Variants in CDKL5 observed in about 807,000 individuals in gnomAD.
CDKL5 encodes cyclin dependent kinase like 5, also known as cyclin-dependent kinase-like 5.
In CDKL5, 8 loss-of-function variants were observed where a neutral mutation model predicts 61.7. The ratio of observed to expected loss-of-function variants is 0.13; its 90% CI spans 0.08 to 0.23. CDKL5 has a LOEUF of 0.23. Ranked by LOEUF, CDKL5 falls within the 10% of genes least tolerant of loss-of-function variation. The pLI, the probability that CDKL5 is intolerant of heterozygous loss-of-function variation, is 1.00. For synonymous variants in CDKL5, 275 were observed against 272.3 expected, an observed-to-expected ratio of 1.01 and a Z score of -0.10; for missense variants, 440 against 734.5, an observed-to-expected ratio of 0.60 and a Z score of 4.63.
intron 1 of CDKL5, among the ~76,000 whole-genome samples, chrX:18,450,962 G>C (rs920227443): frequency 9.2e-6 from 1 of 109,270 alleles, no homozygotes; most frequent in African/African-American, 3.3e-5. Context: ...TTAAAGTTTG[G>C]TTGCCACATT....
intron 3 of CDKL5, chrX:18,535,672 C>T: frequency 6.4e-6 from 1 of 156,263 alleles, no homozygotes. Context: ...ACTCTCTCGC[C>T]CCCGGAGAAA....
At chrX:18,545,128 C>T (rs1466723366) in intron 3 of CDKL5, among the ~76,000 whole-genome samples, 1 of 110,078 alleles carries the variant, frequency 9.1e-6, no homozygotes, top group African/African-American at 3.3e-5. Flanking sequence ...CCCAGCTACT[C>T]AGAGGATAAG....
chrX:18,652,210 A>G (rs1468608599), intron 21 of CDKL5, among the ~76,000 whole-genome samples: 1 of 111,398 alleles, frequency 9.0e-6, no homozygotes. Context: ...CCATCGCCCC[A>G]TCTTGGGTGG....
intron 1 of CDKL5, among the ~76,000 whole-genome samples, chrX:18,496,967 G>A (rs1922196534): frequency 9.2e-6 from 1 of 109,164 alleles, no homozygotes; most frequent in Non-Finnish European, 1.9e-5. Context: ...GAAGGAGTTT[G>A]TTCAGTCAGC....
rs377640384 is a variant in CDKL5 at position 18,619,759 on chromosome X, C to T, written c.2277-108C>T. On this transcript the variant is annotated intron_variant, in intron 15 of 17. Transcript: ENST00000623535. The stretch of plus-strand genomic sequence containing the variant: ...CTTTACCCAAGTGTTTGATTCTTCC[C>T]GGCTATAGGAACCTAGTGTCATGCA... 90 of 530,992 alleles carry T rather than the reference C, an allele frequency of 1.7e-4. 3 individuals are homozygous for T. The highest frequency in any genetic ancestry group is 7.5e-4 in the East Asian group (20 of 26,774). 43.8% of individuals were successfully genotyped at this position (530,992 alleles called of 1,213,427 possible).
Position 18,628,694 on chromosome X carries a change from C to T in CDKL5, c.2820C>T (p.Pro940=). The T allele has an allele frequency of 1.7e-6, 2 of 1,188,363 alleles. No homozygotes were observed. The highest frequency in any genetic ancestry group is 3.1e-5 in the East Asian group (1 of 32,601). Residue 940 remains proline (P), a synonymous_variant, in exon 18 of 18, where the codon CCC becomes CCT. Coordinates refer to ENST00000623535, the MANE Select transcript of CDKL5 (RefSeq NM_001323289.2). ...CCAAAAGTGGGCCAAATGGGCACCCCTATAACAGAACAAATCGCTCACGAA... is the reference window on the plus strand; with the variant it reads ...CCAAAAGTGGGCCAAATGGGCACCCTTATAACAGAACAAATCGCTCACGAA... The part of the protein sequence containing the change: ...LGAKSGPNGH[P]YNRTNRSRMP...
rs747259152 is a variant in CDKL5, at chrX:18,587,906, CATT to C, written c.555-45_555-43del. On this transcript the variant is annotated intron_variant, in intron 8 of 17. Coordinates refer to ENST00000623535, the MANE Select transcript of CDKL5 (RefSeq NM_001323289.2). The stretch of plus-strand genomic sequence containing the variant: ...CACAATAATTTGGAAATTATCAAAA[CATT>C]ATATTTTTTCAGTTGCCAAAATAAT... 78 of 1,091,146 alleles carry C rather than the reference CATT, an allele frequency of 7.1e-5. No homozygotes were observed. In the Middle Eastern group the frequency reaches 1.4e-3, roughly 20 times the overall value. The allele number at this position is 1,091,146 out of a possible 1,213,427, so 89.9% of individuals were successfully genotyped here.
At chrX:18,539,645 A>G (rs780632659) in intron 3 of CDKL5, among the ~76,000 whole-genome samples, 2 of 111,740 alleles carry the variant, frequency 1.8e-5, no homozygotes, top group African/African-American at 6.5e-5. Context: ...GTCTTGGTGA[A>G]TATTTTATGG....
At chrX:18,576,145 G>A (rs762506734) in intron 5 of CDKL5, among the ~76,000 whole-genome samples, 385 of 111,700 alleles carry the variant, frequency 3.4e-3, no homozygotes, top group African/African-American at 0.012. Context: ...TTCTTGGAGA[G>A]GGGCCTGGTG....
intron 5 of CDKL5, among the ~76,000 whole-genome samples, chrX:18,579,422 G>A (rs1053317962): frequency 1.8e-5 from 2 of 109,892 alleles, no homozygotes; most frequent in Admixed American, 9.8e-5. Context: ...AGAATATTTC[G>A]TGGATCTTCC....
intron 1 of CDKL5, among the ~76,000 whole-genome samples, chrX:18,429,149 C>T (rs749809331): frequency 1.8e-5 from 2 of 111,355 alleles, no homozygotes; most frequent in African/African-American, 3.3e-5. Flanking sequence ...GGGTAAGGAC[C>T]TTCTACCTAG....
chrX:18,506,891 C>T (rs1922596830), intron 1 of CDKL5, 44 bp from the exon 2 acceptor site: 2 of 415,141 alleles, frequency 4.8e-6, no homozygotes, highest in South Asian at 8.0e-5. Context: ...TAGAGTACTG[C>T]AAATATAAAA....
At chrX:18,553,525 T>G (rs1347491929) in intron 3 of CDKL5, among the ~76,000 whole-genome samples, 1 of 109,042 alleles carries the variant, frequency 9.2e-6, no homozygotes, top group African/African-American at 3.4e-5. Flanking sequence ...AGTCTCACTC[T>G]GTCTGCCCGG....
chrX:18,525,584 T>G (rs752327969), intron 3 of CDKL5, among the ~76,000 whole-genome samples: 1 of 110,965 alleles, frequency 9.0e-6, no homozygotes, highest in East Asian at 2.8e-4. Flanking sequence ...CCTTTCACTT[T>G]GTCATTCTTC....
At position 18,630,128 on chromosome X, in the gene CDKL5, C is replaced by T. The variant is rs1239175879; in HGVS notation, c.*1371C>T. 1 of 751,781 alleles carries T rather than the reference C, an allele frequency of 1.3e-6. No individual in the cohort carries two copies. Among genetic ancestry groups the T allele is most frequent in the Non-Finnish European group, 1.6e-6 (1 of 638,751 alleles). 62.0% of individuals were successfully genotyped at this position (751,781 alleles called of 1,213,427 possible). A position where few individuals can be genotyped will look rare whatever the true frequency, so the allele number is the denominator to read the frequency against. Reference sequence around the variant, plus strand: ...AATTCCAGATAGATAAAAAATTACTCTATCCATTTTTTTCTTCCTGGGGCT... The same window carrying T: ...AATTCCAGATAGATAAAAAATTACTTTATCCATTTTTTTCTTCCTGGGGCT... On this transcript the variant is annotated 3_prime_UTR_variant, in exon 18 of 18. Coordinates refer to ENST00000623535, the MANE Select transcript of CDKL5 (RefSeq NM_001323289.2).
chrX:18,440,935 T>C (rs1931725741), intron 1 of CDKL5, among the ~76,000 whole-genome samples: 2 of 111,496 alleles, frequency 1.8e-5, no homozygotes, highest in African/African-American at 6.5e-5. Flanking sequence ...GAGAAGATGG[T>C]GGACTAGTAA....
chrX:18,588,362 T>C, intron 9 of CDKL5: 1 of 350,943 alleles, frequency 2.8e-6, no homozygotes, highest in South Asian at 5.6e-5. Flanking sequence ...TTTCTAATTT[T>C]TAAGTTCCAG....
At chrX:18,595,920 T>A (rs758750332) in intron 10 of CDKL5, among the ~76,000 whole-genome samples, 215 of 111,896 alleles carry the variant, frequency 1.9e-3, no homozygotes, top group African/African-American at 6.8e-3. Context: ...GTGGCCTGAG[T>A]GTTCTTCCTT....
chrX:18,519,496 C>A (rs1363235428), intron 3 of CDKL5, among the ~76,000 whole-genome samples: 1 of 111,596 alleles, frequency 9.0e-6, no homozygotes, highest in African/African-American at 3.3e-5. Flanking sequence ...TGGGGGACTT[C>A]AGTGAAAATT....
Sources: gnomAD v4.1 joint callset for allele counts (sites outside exome capture counted in the v4.1 genomes callset) on GRCh38, gnomAD v4.1.1 for gene constraint, MANE v1.5 for transcripts, NCBI Gene and HGNC (gene_info 2026-07-23, HGNC 2026-07-21) for gene names.